Variants in ACBD6 observed in about 807,000 individuals in gnomAD.
The protein encoded by ACBD6 is acyl-CoA-binding domain-containing protein 6.
A neutral mutation model predicts 37.2 loss-of-function variants in ACBD6; 28 were observed. The ratio of observed to expected loss-of-function variants is 0.75; its 90% CI spans 0.56 to 1.03. ACBD6 has a LOEUF of 1.03. ACBD6 is among the 50% of genes least tolerant of loss of function. The pLI, the probability that ACBD6 is intolerant of heterozygous loss-of-function variation, is 0.00. For synonymous variants in ACBD6, 113 were observed against 126.8 expected (o/e 0.89, Z 0.73); for missense variants, 340 against 337.4 (o/e 1.01, Z -0.06).
rs143634237 is a variant in ACBD6, at chr1:180,397,557, C to T, written c.622G>A (p.Val208Ile). Residue 208 changes from valine (V) to isoleucine (I), a missense_variant, in exon 6 of 8, where the codon GTC becomes ATC. By Grantham distance (29) the Val-to-Ile change is conservative. Transcript: ENST00000367595. The part of the protein sequence containing the change: ...WACDRGHKEL[V>I]TVLLQHRADI... Reference sequence around the variant, plus strand: ...GCTCTATGTTGCAGCAACACTGTGACTAGTTCCTTATGTCCTCGATCACAG... The same window carrying T: ...GCTCTATGTTGCAGCAACACTGTGATTAGTTCCTTATGTCCTCGATCACAG... The T allele has an allele frequency of 6.2e-6, 10 of 1,613,986 alleles. No homozygotes were observed. Among genetic ancestry groups the T allele is most frequent in the Admixed American group, 3.3e-5 (2 of 59,998 alleles).
intron 7 of ACBD6, among the ~76,000 whole-genome samples, chr1:180,291,304 C>T (rs553510679): frequency 6.6e-6 from 1 of 152,172 alleles, no homozygotes; most frequent in Non-Finnish European, 1.5e-5. Flanking sequence ...CAGGAAACTA[C>T]CAAACTTTTC....
At chr1:180,422,218 T>G (rs1648398724) in intron 4 of ACBD6, among the ~76,000 whole-genome samples, 1 of 152,048 alleles carries the variant, frequency 6.6e-6, no homozygotes, top group African/African-American at 2.4e-5. Context: ...TTTCTTTTTT[T>G]TTTTTGAGAT....
At chr1:180,286,063 A>T (rs2764459), downstream of ACBD6, among the ~76,000 whole-genome samples, 17,837 of 152,160 alleles carry the variant, frequency 0.12, 1,599 homozygotes, top group African/African-American at 0.25. Flanking sequence ...TAAATATACA[A>T]AATACTGAAA....
At chr1:180,362,205 A>G (rs887274382) in intron 6 of ACBD6, among the ~76,000 whole-genome samples, 2 of 152,364 alleles carry the variant, frequency 1.3e-5, no homozygotes, top group East Asian at 1.9e-4. Flanking sequence ...GTATTTTCAA[A>G]TGGAATAATG....
intron 4 of ACBD6, among the ~76,000 whole-genome samples, chr1:180,414,314 T>C (rs1465721644): frequency 1.3e-5 from 2 of 152,224 alleles, no homozygotes; most frequent in African/African-American, 2.4e-5. Flanking sequence ...TATAAAGGAA[T>C]GCATTTTGCG....
intron 3 of ACBD6, among the ~76,000 whole-genome samples, chr1:180,438,681 C>T (rs1057239838): frequency 3.9e-5 from 6 of 152,120 alleles, no homozygotes; most frequent in Admixed American, 1.3e-4. Context: ...ATACAACTCT[C>T]CCACCCACTG....
intron 7 of ACBD6, among the ~76,000 whole-genome samples, chr1:180,297,427 T>C (rs748600551): frequency 1.1e-4 from 16 of 152,200 alleles, no homozygotes; most frequent in Non-Finnish European, 1.9e-4. Context: ...GTGAATGCTA[T>C]CTCTGCCTTC....
chr1:180,457,600 C>T (rs1039427085), intron 3 of ACBD6, among the ~76,000 whole-genome samples: 7 of 151,978 alleles, frequency 4.6e-5, no homozygotes, highest in Non-Finnish European at 8.8e-5. Context: ...AATCAAAGGG[C>T]AGAGAAAAAT....
chr1:180,457,793 G>GCT (rs372918235), intron 3 of ACBD6, among the ~76,000 whole-genome samples: 10 of 136,608 alleles, frequency 7.3e-5, no homozygotes, highest in Non-Finnish European at 6.4e-5. Flanking sequence ...AAAATTAACT[G>GCT]TTTTTTTTTT....
chr1:180,495,284 G>A (rs1478991915), intron 2 of ACBD6, among the ~76,000 whole-genome samples, 177 bp downstream of exon 2: 1 of 152,154 alleles, frequency 6.6e-6, no homozygotes, highest in Non-Finnish European at 1.5e-5. Flanking sequence ...AATCCTTCAG[G>A]AGACTTAGCT....
intron 7 of ACBD6, among the ~76,000 whole-genome samples, chr1:180,313,272 T>C (rs79770155): frequency 0.02 from 3,009 of 152,318 alleles, 99 homozygotes; most frequent in African/African-American, 0.067. Flanking sequence ...CAGGTTATGC[T>C]AGACAAATTC....
At chr1:180,285,850 T>C (rs796259241), downstream of ACBD6, among the ~76,000 whole-genome samples, 23 of 152,266 alleles carry the variant, frequency 1.5e-4, no homozygotes, top group African/African-American at 4.6e-4. Flanking sequence ...CCAGATATTT[T>C]ACGTTGGTTG....
intron 7 of ACBD6, among the ~76,000 whole-genome samples, chr1:180,303,764 G>A (rs145027702): frequency 0.16 from 23,602 of 150,504 alleles, 2,894 homozygotes; most frequent in Middle Eastern, 0.23. Context: ...TATGAGGCCA[G>A]CATCATCCTG....
chr1:180,469,420 T>C (rs902232450), intron 3 of ACBD6, among the ~76,000 whole-genome samples: 1 of 152,208 alleles, frequency 6.6e-6, no homozygotes, highest in Non-Finnish European at 1.5e-5. Context: ...CCACTGCCTC[T>C]AGAAGAAGGA....
At chr1:180,315,177 G>T (rs1571349782) in intron 6 of ACBD6, among the ~76,000 whole-genome samples, 1 of 152,000 alleles carries the variant, frequency 6.6e-6, no homozygotes, top group African/African-American at 2.4e-5. Flanking sequence ...CAAATTCCAG[G>T]CTAATAACAC....
At chr1:180,480,208 C>T (rs769115542) in intron 3 of ACBD6, among the ~76,000 whole-genome samples, 2 of 152,110 alleles carry the variant, frequency 1.3e-5, no homozygotes, top group Middle Eastern at 3.4e-3. Context: ...AGATAAGTCA[C>T]GTCCGAAGCA....
In ACBD6 at chr1:180,288,276, C is replaced by T. The variant is rs553208312; in HGVS notation, c.*87G>A. 100 of 1,573,988 alleles carry T rather than the reference C, an allele frequency of 6.4e-5. No individual in the cohort carries two copies. Among genetic ancestry groups the T allele is most frequent in the African/African-American group, 3.6e-4 (27 of 74,312 alleles). On this transcript the variant is annotated 3_prime_UTR_variant, in exon 8 of 8. Transcript: ENST00000367595. ...TTTATTAGCCAATACATACCAAAGA[C>T]GGGTGGAAAAGAAGTATTATTTTTG...
At chr1:180,485,188 T>C (rs1651215244) in intron 3 of ACBD6, among the ~76,000 whole-genome samples, 1 of 152,022 alleles carries the variant, frequency 6.6e-6, no homozygotes, top group African/African-American at 2.4e-5. Flanking sequence ...GCAATGAACA[T>C]ACCCTAGCAT....
intron 6 of ACBD6, among the ~76,000 whole-genome samples, chr1:180,339,541 G>A (rs1156565519): frequency 7.7e-5 from 1 of 13,042 alleles, no homozygotes; most frequent in Non-Finnish European, 1.3e-4. Context: ...TAGGGTGGAA[G>A]GAGGGAGGGA....
Sources: allele counts gnomAD v4.1 joint callset (sites outside exome capture counted in the v4.1 genomes callset), GRCh38; gene constraint gnomAD v4.1.1; transcripts MANE v1.5; gene names NCBI Gene and HGNC (gene_info 2026-07-23, HGNC 2026-07-21).